NTN4: variants seen among roughly 807,000 people sequenced by gnomAD.
NTN4 encodes the protein netrin-4.
Under a neutral mutation model 73.6 loss-of-function variants are expected in NTN4, and 32 were observed. The ratio of observed to expected loss-of-function variants is 0.44; its 90% CI spans 0.33 to 0.58. The LOEUF (loss-of-function observed/expected upper bound fraction) is 0.58. NTN4 is among the 20% of genes least tolerant of loss of function. The probability of loss-of-function intolerance (pLI) is 0.04; values close to 1 mark genes in which losing one functional copy is unlikely to be tolerated. For synonymous variants in NTN4, 258 were observed against 287.5 expected (o/e 0.90, Z 1.04); for missense variants, 654 against 798.3 (o/e 0.82, Z 2.18).
chr12:95,750,755 T>C (rs1041675084), intron 2 of NTN4, among the ~76,000 whole-genome samples: 6 of 151,798 alleles, frequency 4.0e-5, no homozygotes, highest in Admixed American at 2.6e-4. Flanking sequence ...GACCTCTCCC[T>C]TCCTCCCCAG....
chr12:95,732,758 A>G (rs1461035006), intron 3 of NTN4, among the ~76,000 whole-genome samples: 2 of 152,230 alleles, frequency 1.3e-5, no homozygotes, highest in Non-Finnish European at 2.9e-5. Context: ...AATCTAAAAT[A>G]AATTTTAAAA....
chr12:95,760,739 G>A (rs1377189745), intron 2 of NTN4, among the ~76,000 whole-genome samples: 1 of 151,308 alleles, frequency 6.6e-6, no homozygotes, highest in Non-Finnish European at 1.5e-5. Context: ...AAGAAGAGGG[G>A]GGCAGTCATT....
chr12:95,710,936 G>A (rs182800873), intron 4 of NTN4, among the ~76,000 whole-genome samples: 3 of 152,266 alleles, frequency 2.0e-5, no homozygotes, highest in South Asian at 2.1e-4. Flanking sequence ...CCCAGGAGGT[G>A]GAGGTTGCAG....
intron 2 of NTN4, among the ~76,000 whole-genome samples, chr12:95,760,438 A>G (rs1423482409): frequency 6.6e-6 from 1 of 152,130 alleles, no homozygotes; most frequent in East Asian, 1.9e-4. Context: ...TCTCTTATGT[A>G]GCTTTCTCCT....
chr12:95,725,412 GT>G (rs1240594011), intron 3 of NTN4, among the ~76,000 whole-genome samples: 9 of 152,196 alleles, frequency 5.9e-5, no homozygotes, highest in African/African-American at 2.2e-4. Context: ...CTTTTCACCC[GT>G]TAAGATTCAT....
chr12:95,663,228 G>A (rs2078152352), intron 9 of NTN4, among the ~76,000 whole-genome samples: 1 of 152,110 alleles, frequency 6.6e-6, no homozygotes, highest in South Asian at 2.1e-4. Flanking sequence ...TACCATTAAA[G>A]TATAAATATA....
intron 7 of NTN4, among the ~76,000 whole-genome samples, chr12:95,675,562 A>G (rs1186733245): frequency 6.6e-6 from 1 of 152,242 alleles, no homozygotes; most frequent in East Asian, 1.9e-4. Context: ...CTCCAAGCAC[A>G]TAGCAATATT....
At chr12:95,768,166 A>G (rs1194896694) in intron 2 of NTN4, among the ~76,000 whole-genome samples, 1 of 152,178 alleles carries the variant, frequency 6.6e-6, no homozygotes, top group East Asian at 1.9e-4. Context: ...TGTTTCTCCA[A>G]GTGTGGTCTG....
At chr12:95,736,366 G>A (rs1279985056) in intron 3 of NTN4, among the ~76,000 whole-genome samples, 1 of 152,066 alleles carries the variant, frequency 6.6e-6, no homozygotes, top group Non-Finnish European at 1.5e-5. Context: ...ATGTTATGGG[G>A]GCCTCTGTCA....
chr12:95,703,365 A>C (rs1047991303), intron 5 of NTN4, among the ~76,000 whole-genome samples: 1 of 152,196 alleles, frequency 6.6e-6, no homozygotes, highest in Non-Finnish European at 1.5e-5. Context: ...ATGGGGAACA[A>C]ATATATAGAA....
chr12:95,786,665 G>C (rs1166658798), intron 2 of NTN4, among the ~76,000 whole-genome samples: 1 of 152,146 alleles, frequency 6.6e-6, no homozygotes, highest in Admixed American at 6.5e-5. Flanking sequence ...GCAATGAGGA[G>C]CCTCTAGAGT....
intron 2 of NTN4, among the ~76,000 whole-genome samples, chr12:95,741,530 A>G (rs1285368874): frequency 7.4e-6 from 1 of 136,034 alleles, no homozygotes; most frequent in Non-Finnish European, 1.6e-5. Flanking sequence ...TGACTGTTTT[A>G]TCTATGTATG....
intron 7 of NTN4, chr12:95,673,751 T>C (rs144311820): frequency 6.6e-6 from 1 of 152,354 alleles, no homozygotes; most frequent in East Asian, 1.9e-4. Flanking sequence ...CATACTAATA[T>C]GGGATAAGCT....
intron 3 of NTN4, among the ~76,000 whole-genome samples, chr12:95,716,633 C>G (rs1225980809): frequency 6.6e-6 from 1 of 151,920 alleles, no homozygotes; most frequent in Non-Finnish European, 1.5e-5. Context: ...GGTTTCTTCT[C>G]CAGCTTTCCC....
At chr12:95,672,567 A>G (rs916130895) in intron 7 of NTN4, 9 of 1,521,938 alleles carry the variant, frequency 5.9e-6, no homozygotes, top group African/African-American at 1.4e-5. Flanking sequence ...TGGCGCCTCA[A>G]TGAGCGGCAC....
intron 9 of NTN4, 134 bp from the exon 10 acceptor site, chr12:95,659,356 C>CGCG: frequency 1.6e-6 from 1 of 606,600 alleles, no homozygotes; most frequent in Non-Finnish European, 2.7e-6. Flanking sequence ...AGTGTAGTGG[C>CGCG]ATAATCCTGG....
chr12:95,681,764 G>C (rs949438204), intron 7 of NTN4, among the ~76,000 whole-genome samples: 1 of 152,194 alleles, frequency 6.6e-6, no homozygotes, highest in African/African-American at 2.4e-5. Flanking sequence ...GGAAAGAGGA[G>C]CCCATATTGA....
chr12:95,685,877 C>T (rs1204287321), intron 5 of NTN4, among the ~76,000 whole-genome samples: 3 of 152,000 alleles, frequency 2.0e-5, no homozygotes, highest in Non-Finnish European at 4.4e-5. Context: ...ACTAATTAAT[C>T]CAATAGATAA....
intron 2 of NTN4, among the ~76,000 whole-genome samples, chr12:95,740,242 C>T (rs1275198432): frequency 6.6e-6 from 1 of 152,240 alleles, no homozygotes; most frequent in Non-Finnish European, 1.5e-5. Flanking sequence ...CAGATGCTTC[C>T]AACTTCTGGC....
Sources: gnomAD v4.1 joint callset for allele counts (sites outside exome capture counted in the v4.1 genomes callset) on GRCh38, gnomAD v4.1.1 for gene constraint, MANE v1.5 for transcripts, NCBI Gene and HGNC (gene_info 2026-07-23, HGNC 2026-07-21) for gene names.